TSPOAP1: variants seen among roughly 807,000 people sequenced by gnomAD.
TSPOAP1 encodes peripheral-type benzodiazepine receptor-associated protein 1.
TSPOAP1 carries 87 observed loss-of-function variants against 197.0 expected under a neutral mutation model. The ratio of observed to expected loss-of-function variants is 0.44; its 90% confidence interval spans 0.37 to 0.53. The LOEUF (loss-of-function observed/expected upper bound fraction) is 0.53, where lower values mean the gene tolerates loss of function less well. Ranked by LOEUF, TSPOAP1 falls within the 20% of genes least tolerant of loss-of-function variation. The pLI, the probability that TSPOAP1 is intolerant of heterozygous loss-of-function variation, is 0.00. For synonymous variants in TSPOAP1, 913 were observed against 998.9 expected, an observed-to-expected ratio of 0.91 and a Z score of 1.62; for missense variants, 2,174 against 2,411.3, an observed-to-expected ratio of 0.90 and a Z score of 2.06.
chr17:58,319,635 C>T (rs574405594), intron 12 of TSPOAP1, among the ~76,000 whole-genome samples: 97 of 152,358 alleles, frequency 6.4e-4, no homozygotes, highest in African/African-American at 2.3e-3. Context: ...TCATCACCAC[C>T]ATCACCGCAG....
rs1971024571 is a variant in TSPOAP1 at position 58,309,796 on chromosome 17, G to C, written c.3891+171C>G. On this transcript the variant is annotated intron_variant, in intron 21 of 31. Transcript: ENST00000343736. The surrounding 1 kb of genome is among the most constrained non-coding windows in gnomAD (Gnocchi z 5.0). ...CTCCCCTTCCCCTTTCTTTCCAGGA[G>C]GGCAGGGGCCAATCCTGGGGCACTT... Among the ~76,000 whole-genome samples, 1 of 152,226 alleles carries C rather than the reference G, an allele frequency of 6.6e-6. No homozygotes were observed. The highest frequency in any genetic ancestry group is 2.4e-5 in the African/African-American group (1 of 41,468).
intron 20 of TSPOAP1, 30 bp from the exon 21 acceptor site, chr17:58,310,188 T>G: frequency 6.3e-7 from 1 of 1,599,644 alleles, no homozygotes. Flanking sequence ...GCAGGAGAGA[T>G]AAGGACAGTG....
In TSPOAP1 at chr17:58,326,246, C is replaced by T. The variant is rs116821900; in HGVS notation, c.570+47G>A. The T allele has an allele frequency of 2.2e-5, 36 of 1,608,778 alleles. No homozygotes were observed. Among genetic ancestry groups the T allele is most frequent in the Non-Finnish European group, 2.9e-5 (34 of 1,177,430 alleles). The stretch of plus-strand genomic sequence containing the variant: ...GCCCTCAGGCCCAGCCCTGGCTCCC[C>T]TCTTCCTTGGTCACCCAGCCTCCGC... On this transcript the variant is annotated intron_variant, in intron 3 of 31. Coordinates refer to ENST00000343736, the MANE Select transcript of TSPOAP1 (RefSeq NM_004758.4). This position sits in a 1 kb window ranked among gnomAD's most constrained non-coding sequence, Gnocchi z 4.7.
intron 20 of TSPOAP1, 45 bp downstream of exon 20, chr17:58,310,467 G>A (rs762184545): frequency 1.9e-6 from 3 of 1,600,052 alleles, no homozygotes; most frequent in Non-Finnish European, 1.7e-6. Context: ...TAGGGAGACA[G>A]GCCTCAATTC....
Position 58,302,207 on chromosome 17 carries a change from G to T in TSPOAP1, c.*273C>A, listed in dbSNP as rs1322613292. 7.9e-7 allele frequency: 1 copy of T among 1,272,208 alleles called. No individual in the cohort carries two copies. The highest frequency in any genetic ancestry group is 1.3e-5 in the South Asian group (1 of 79,706). 78.8% of individuals were successfully genotyped at this position (1,272,208 alleles called of 1,614,324 possible). On this transcript the variant is annotated 3_prime_UTR_variant, in exon 32 of 32. Coordinates refer to ENST00000343736, the MANE Select transcript of TSPOAP1 (RefSeq NM_004758.4). ...GCCCAGTCTGAGCCTTCCCTGCTCA[G>T]CAGAGACAGTGATCTGGGGGCCTCT... is the stretch of plus-strand genomic sequence containing the variant.
chr17:58,324,866 G>C lies in TSPOAP1; in HGVS notation c.887C>G (p.Pro296Arg). ...ETLPLPPSWP[P>R]GPALQARAGA... Reference sequence around the variant, plus strand: ...TGCTCTGGCCTGGAGAGCAGGGCCCGGGGGCCAGGACGGCGGGAGCGGGAG... The same window carrying C: ...TGCTCTGGCCTGGAGAGCAGGGCCCCGGGGCCAGGACGGCGGGAGCGGGAG... Residue 296 changes from proline (P) to arginine (R), a missense_variant, in exon 5 of 32, where the codon CCG becomes CGG. Physicochemically the swap from Pro to Arg is moderately radical, Grantham distance 103. Transcript: ENST00000343736. This position sits in a 1 kb window ranked among gnomAD's most constrained non-coding sequence, Gnocchi z 5.8. 1 of 1,529,484 alleles carries C rather than the reference G, an allele frequency of 6.5e-7. No individual in the cohort carries two copies. 94.7% of individuals were successfully genotyped at this position (1,529,484 alleles called of 1,614,324 possible). A position where few individuals can be genotyped will look rare whatever the true frequency, so the allele number is the denominator to read the frequency against.
At chr17:58,306,633 C>T in intron 25 of TSPOAP1, 167 bp downstream of exon 25, 2 of 994,626 alleles carry the variant, frequency 2.0e-6, no homozygotes, top group Non-Finnish European at 2.9e-6. Context: ...TCCACGCGGC[C>T]AGCCCACGTA....
intron 16 of TSPOAP1, among the ~76,000 whole-genome samples, chr17:58,314,580 A>T (rs1054089483): frequency 6.6e-6 from 1 of 152,038 alleles, no homozygotes; most frequent in African/African-American, 2.4e-5. Context: ...AAGGAACGGA[A>T]CCTCCCCTAG....
At position 58,310,992 on chromosome 17, in the gene TSPOAP1, G is replaced by A. The variant is rs1385243668; in HGVS notation, c.3303C>T (p.Pro1101=). 3 of 1,597,870 alleles carry A rather than the reference G, an allele frequency of 1.9e-6. No individual in the cohort carries two copies. Among genetic ancestry groups the A allele is most frequent in the East Asian group, 2.2e-5 (1 of 44,536 alleles). ...SPHPSPEARA[P]LASASPGPGD... ...CAGGCCCTGGGGAGGCTGAAGCAAG[G>A]GGCGCTCTGGCCTCTGGGCTTGGGT... The change falls in exon 19 of 32, where the codon CCC becomes CCT. Residue 1101 remains proline, a synonymous_variant. Coordinates refer to ENST00000343736, the MANE Select transcript of TSPOAP1 (RefSeq NM_004758.4).
In TSPOAP1 at chr17:58,326,680, C is replaced by T; in HGVS notation, c.441+3G>A. On this transcript the variant is annotated splice_donor_region_variant and intron_variant, in intron 2 of 31. Coordinates refer to ENST00000343736, the MANE Select transcript of TSPOAP1 (RefSeq NM_004758.4). This position sits in a 1 kb window ranked among gnomAD's most constrained non-coding sequence, Gnocchi z 4.7. The stretch of plus-strand genomic sequence containing the variant: ...ACGCAGCACCCCAGTCTCCAAGCCT[C>T]ACCAGCATCTGGTTTTCCTCCTTAA... 3 of 1,613,974 alleles carry T rather than the reference C, an allele frequency of 1.9e-6. No homozygotes were observed. Among genetic ancestry groups the T allele is most frequent in the Non-Finnish European group, 2.5e-6 (3 of 1,179,930 alleles).
intron 14 of TSPOAP1, among the ~76,000 whole-genome samples, chr17:58,317,013 T>C (rs1302264908): frequency 6.6e-6 from 1 of 152,090 alleles, no homozygotes; most frequent in Non-Finnish European, 1.5e-5. Flanking sequence ...GTGAGAAGCA[T>C]AACAAAACCC....
At chr17:58,323,884 G>C (rs1170642070) in intron 5 of TSPOAP1, among the ~76,000 whole-genome samples, 1 of 152,222 alleles carries the variant, frequency 6.6e-6, no homozygotes, top group East Asian at 1.9e-4. Context: ...TAACTGTCCT[G>C]GGTGTCCTTC....
Position 58,302,170 on chromosome 17 carries a change from C to A in TSPOAP1, c.*310G>T. On this transcript the variant is annotated 3_prime_UTR_variant, in exon 32 of 32. Coordinates refer to ENST00000343736, the MANE Select transcript of TSPOAP1 (RefSeq NM_004758.4). ...ATGCCACAGTGTTAACGCAGAAGAACGGGGGCTCTGGGCCCAGTCTGAGCC... is the reference window on the plus strand; with the variant it reads ...ATGCCACAGTGTTAACGCAGAAGAAAGGGGGCTCTGGGCCCAGTCTGAGCC... 9.0e-7 allele frequency: 1 copy of A among 1,113,380 alleles called. No individual in the cohort carries two copies. Among genetic ancestry groups the A allele is most frequent in the South Asian group, 1.5e-5 (1 of 67,942 alleles). The allele number at this position is 1,113,380 out of a possible 1,614,324, so 69.0% of individuals were successfully genotyped here. A position where few individuals can be genotyped will look rare whatever the true frequency, so the allele number is the denominator to read the frequency against.
Position 58,318,352 on chromosome 17 carries a change from C to A in TSPOAP1, c.1800G>T (p.Lys600Asn). 6.2e-7 allele frequency: 1 copy of A among 1,614,202 alleles called. No homozygotes were observed. Among genetic ancestry groups the A allele is most frequent in the Non-Finnish European group, 8.5e-7 (1 of 1,180,030 alleles). Residue 600 changes from lysine (K) to asparagine (N), a missense_variant, in exon 14 of 32, where the codon AAG (lysine) becomes AAT (asparagine). By Grantham distance (94) the Lys-to-Asn change is moderately conservative. This residue lies in a region of TSPOAP1 where 1,933 missense variants were observed against 2,139.0 expected (regional missense o/e 0.90). Coordinates refer to ENST00000343736, the MANE Select transcript of TSPOAP1 (RefSeq NM_004758.4). ...LTGVPRRTAKKAESLSNSSHS... is the reference protein window; with the variant it reads ...LTGVPRRTAKNAESLSNSSHS... ...GGGAGGAGTTGGAGAGAGACTCTGC[C>A]TTCTTGGCTGTCCTTCGAGGGACCC...
In TSPOAP1 at chr17:58,311,258, AG is replaced by A. The variant is rs753258313; in HGVS notation, c.3082-46del. 10 of 1,595,352 alleles carry A rather than the reference AG, an allele frequency of 6.3e-6. No individual in the cohort carries two copies. In the South Asian group the frequency reaches 1.1e-4, roughly 18 times the overall value. ...CAGGATGGGAAGCAGAGGCTGAGAC[AG>A]CCAAGCGTGAGGATGCACTGACAGC... On this transcript the variant is annotated intron_variant, in intron 18 of 31. Coordinates refer to ENST00000343736, the MANE Select transcript of TSPOAP1 (RefSeq NM_004758.4).
Position 58,301,385 on chromosome 17 carries a change from A to T in TSPOAP1, c.*1095T>A, listed in dbSNP as rs1970718838. On this transcript the variant is annotated 3_prime_UTR_variant, in exon 32 of 32. Coordinates refer to ENST00000343736, the MANE Select transcript of TSPOAP1 (RefSeq NM_004758.4). Reference sequence around the variant, plus strand: ...ATGCAAAGACACACTCACCCCTCAGAGGGTGGGGGATGGAGTGGATCGGGT... The same window carrying T: ...ATGCAAAGACACACTCACCCCTCAGTGGGTGGGGGATGGAGTGGATCGGGT... 1 of 152,654 alleles carries T rather than the reference A, an allele frequency of 6.6e-6. No individual in the cohort carries two copies. The highest frequency in any genetic ancestry group is 6.5e-5 in the Admixed American group (1 of 15,290). The allele number at this position is 152,654 out of a possible 1,614,324, so 9.5% of individuals were successfully genotyped here. A position where few individuals can be genotyped will look rare whatever the true frequency, so the allele number is the denominator to read the frequency against.
chr17:58,313,139 T>C (rs1284058616), intron 16 of TSPOAP1, among the ~76,000 whole-genome samples: 1 of 152,218 alleles, frequency 6.6e-6, no homozygotes, highest in African/African-American at 2.4e-5. Flanking sequence ...CATAATGCTT[T>C]TAAAATCATG....
At chr17:58,311,828 T>G in intron 17 of TSPOAP1, 64 bp downstream of exon 17, 1 of 1,486,420 alleles carries the variant, frequency 6.7e-7, no homozygotes, top group South Asian at 1.4e-5. Flanking sequence ...CAGGGTCCCC[T>G]TCTTCCGTCA....
rs772936811 is a variant in TSPOAP1 at position 58,323,310 on chromosome 17, TC to T, written c.1091del (p.Arg364HisfsTer9). ...CTCAAGAGCTCACCAGCTCCTCACA[TC>T]GCCTCTGCTTTTTCCGGGCTTCCTG... ...LEQEARKKQR[R>X]CEELELQLRQ... On this transcript the variant is annotated frameshift_variant, in exon 7 of 32. Transcript: ENST00000343736. LOFTEE classifies it high-confidence loss of function. 1 of 1,614,138 alleles carries T rather than the reference TC, an allele frequency of 6.2e-7. No homozygotes were observed. Among genetic ancestry groups the T allele is most frequent in the Non-Finnish European group, 8.5e-7 (1 of 1,180,006 alleles).
Sources: allele counts gnomAD v4.1 joint callset (sites outside exome capture counted in the v4.1 genomes callset), GRCh38; gene constraint gnomAD v4.1.1; regional missense constraint gnomAD v4.1.1; non-coding constraint Gnocchi (gnomAD v3.1); transcripts MANE v1.5; gene names NCBI Gene and HGNC (gene_info 2026-07-23, HGNC 2026-07-21).